Variants in NEDD4L observed in about 807,000 individuals in gnomAD.
NEDD4L encodes E3 ubiquitin-protein ligase NEDD4-like.
NEDD4L carries 54 observed loss-of-function variants against 148.9 expected under a neutral mutation model. That is an observed-to-expected ratio of 0.36 (90% CI 0.29 to 0.45). NEDD4L has a LOEUF of 0.45. Among genes scored for constraint, NEDD4L ranks in the 20% least tolerant of loss-of-function variants. The pLI is 1.00. For missense variants in NEDD4L, 856 were observed against 1,233.8 expected, an observed-to-expected ratio of 0.69 and a Z score of 4.59; for synonymous variants, 433 against 440.7, an observed-to-expected ratio of 0.98 and a Z score of 0.22.
chr18:58,276,187 CTTTTTCGTTTTTTTT>C (rs1384393057), intron 5 of NEDD4L, among the ~76,000 whole-genome samples: 98 of 121,200 alleles, frequency 8.1e-4, no homozygotes, highest in African/African-American at 1.8e-3. Context: ...TGTGCATTTT[CTTTTTCGTTTTTTTT>C]TTTTTTTTTT....
chr18:58,329,517 C>T (rs1352410960), intron 10 of NEDD4L, among the ~76,000 whole-genome samples: 3 of 151,854 alleles, frequency 2.0e-5, no homozygotes, highest in African/African-American at 4.8e-5. Context: ...TCACCACACC[C>T]GGCCAGTTTT....
chr18:58,350,592 G>A (rs1256750602), intron 17 of NEDD4L, among the ~76,000 whole-genome samples: 8 of 152,172 alleles, frequency 5.3e-5, no homozygotes, highest in African/African-American at 1.9e-4. Context: ...CAACTGCCTG[G>A]ACAACACAAA....
chr18:58,195,382 G>C (rs780960577), intron 2 of NEDD4L: 3 of 1,223,186 alleles, frequency 2.5e-6, no homozygotes, highest in Non-Finnish European at 3.2e-6. Flanking sequence ...TGCTGCCTCT[G>C]ATGAGGCACT....
At chr18:58,093,670 T>G (rs1420045212) in intron 1 of NEDD4L, among the ~76,000 whole-genome samples, 1 of 152,212 alleles carries the variant, frequency 6.6e-6, no homozygotes, top group Non-Finnish European at 1.5e-5. Context: ...ATTTGCTACG[T>G]GCTCATGTGT....
intron 1 of NEDD4L, among the ~76,000 whole-genome samples, chr18:58,107,583 G>A (rs1034946829): frequency 2.0e-5 from 3 of 152,170 alleles, no homozygotes; most frequent in African/African-American, 7.2e-5. Context: ...GCCAGAAGTG[G>A]TGGCTTGTGC....
chr18:58,290,653 A>T (rs553670526), intron 5 of NEDD4L, among the ~76,000 whole-genome samples: 1 of 152,274 alleles, frequency 6.6e-6, no homozygotes, highest in African/African-American at 2.4e-5. Context: ...AATTAGAGTG[A>T]GAAAATGTAT....
chr18:58,230,920 C>T (rs555872941), intron 2 of NEDD4L, among the ~76,000 whole-genome samples: 2 of 152,142 alleles, frequency 1.3e-5, no homozygotes, highest in South Asian at 4.2e-4. Flanking sequence ...GACGTGCAGC[C>T]GGTTTAGGCG....
chr18:58,189,128 A>G (rs1366213181), intron 2 of NEDD4L, among the ~76,000 whole-genome samples: 2 of 152,160 alleles, frequency 1.3e-5, no homozygotes, highest in Non-Finnish European at 2.9e-5. Flanking sequence ...TCTCTAAAGA[A>G]ACCATTCTGC....
intron 5 of NEDD4L, among the ~76,000 whole-genome samples, chr18:58,263,420 C>G (rs1430369614): frequency 1.3e-5 from 2 of 152,088 alleles, no homozygotes; most frequent in Non-Finnish European, 2.9e-5. Flanking sequence ...TACTTGCAAC[C>G]CACATCATCA....
intron 4 of NEDD4L, among the ~76,000 whole-genome samples, chr18:58,250,051 G>A (rs2047708552): frequency 5.3e-5 from 8 of 152,218 alleles, no homozygotes; most frequent in Admixed American, 5.2e-4. Context: ...TTACATAAAT[G>A]TTAGTACATC....
intron 1 of NEDD4L, among the ~76,000 whole-genome samples, chr18:58,165,348 AT>A (rs1377139696): frequency 6.6e-6 from 1 of 152,224 alleles, no homozygotes; most frequent in African/African-American, 2.4e-5. Context: ...TAATTTTGAA[AT>A]GTTTTACCAC....
chr18:58,365,387 C>T (rs986068368), intron 20 of NEDD4L, among the ~76,000 whole-genome samples: 1 of 152,212 alleles, frequency 6.6e-6, no homozygotes, highest in African/African-American at 2.4e-5. Context: ...ATTCTTACAG[C>T]CAGACCAAGC....
chr18:58,120,641 G>C (rs1338588344), intron 1 of NEDD4L, among the ~76,000 whole-genome samples: 1 of 152,146 alleles, frequency 6.6e-6, no homozygotes, highest in Non-Finnish European at 1.5e-5. Context: ...TTAGCCAGGC[G>C]TGGTGGCGGG....
intron 2 of NEDD4L, among the ~76,000 whole-genome samples, chr18:58,214,645 T>TGTTTTG (rs1555740085): frequency 8.1e-6 from 1 of 123,706 alleles, no homozygotes; most frequent in Non-Finnish European, 1.9e-5. Context: ...GTGTGTGTGT[T>TGTTTTG]TTGTTGTTGT....
intron 2 of NEDD4L, among the ~76,000 whole-genome samples, chr18:58,220,607 T>G (rs1421215998): frequency 1.3e-5 from 2 of 152,176 alleles, no homozygotes; most frequent in African/African-American, 4.8e-5. Flanking sequence ...TTACAGGGTT[T>G]CTCAGCTGAG....
intron 1 of NEDD4L, among the ~76,000 whole-genome samples, chr18:58,135,208 G>A (rs12954064): frequency 0.33 from 50,125 of 152,060 alleles, 8,512 homozygotes; most frequent in Non-Finnish European, 0.37. Context: ...ATGGATAAAT[G>A]AATGAATGAA....
At chr18:58,173,223 TTTAA>T (rs2037716111) in intron 2 of NEDD4L, among the ~76,000 whole-genome samples, 1 of 152,224 alleles carries the variant, frequency 6.6e-6, no homozygotes, top group African/African-American at 2.4e-5. Context: ...CCTTTTTCTC[TTTAA>T]TTATGATCAG....
At chr18:58,198,291 A>G (rs530066233) in intron 2 of NEDD4L, among the ~76,000 whole-genome samples, 15 of 152,326 alleles carry the variant, frequency 9.8e-5, no homozygotes, top group South Asian at 4.1e-4. Flanking sequence ...CCTGCAGCCT[A>G]TCAGATTTCC....
intron 2 of NEDD4L, among the ~76,000 whole-genome samples, chr18:58,177,002 TA>T (rs1190913614): frequency 6.6e-6 from 1 of 152,108 alleles, no homozygotes; most frequent in Non-Finnish European, 1.5e-5. Flanking sequence ...CATTTTGACA[TA>T]GATACAAAGG....
Sources: gnomAD v4.1 joint callset for allele counts (sites outside exome capture counted in the v4.1 genomes callset) on GRCh38, gnomAD v4.1.1 for gene constraint, MANE v1.5 for transcripts, NCBI Gene and HGNC (gene_info 2026-07-23, HGNC 2026-07-21) for gene names.